CD8B2: variants seen among roughly 807,000 people sequenced by gnomAD.
CD8B2 encodes the protein CD8B family member 2, also known as T-cell surface glycoprotein CD8 beta-2 chain.
Under a neutral mutation model 23.7 loss-of-function variants are expected in CD8B2, and 11 were observed. The ratio of observed to expected loss-of-function variants is 0.46; its 90% CI spans 0.29 to 0.77. The LOEUF is 0.77. Among genes scored for constraint, CD8B2 ranks in the 30% least tolerant of loss-of-function variants. The pLI is 0.09. For synonymous variants in CD8B2, 90 were observed against 109.3 expected, an observed-to-expected ratio of 0.82 and a Z score of 1.10; for missense variants, 197 against 270.5, an observed-to-expected ratio of 0.73 and a Z score of 1.91.
chr2:106,504,696 A>T (rs1343374283), intron 5 of CD8B2, among the ~76,000 whole-genome samples: 11 of 152,330 alleles, frequency 7.2e-5, no homozygotes, highest in East Asian at 3.9e-4. Flanking sequence ...TTTCAACAAC[A>T]TTCTTAGCTC....
intron 5 of CD8B2, among the ~76,000 whole-genome samples, chr2:106,536,573 A>G (rs760295815): frequency 1.3e-5 from 2 of 152,216 alleles, no homozygotes; most frequent in Non-Finnish European, 2.9e-5. Flanking sequence ...TTACTGTGAC[A>G]TGACTTTGCT....
chr2:106,543,324 C>G (rs1227217238), intron 5 of CD8B2: 1 of 152,012 alleles, frequency 6.6e-6, no homozygotes, highest in Non-Finnish European at 1.5e-5. Flanking sequence ...CCCAGCAGTT[C>G]GAGACCAGCC....
chr2:106,511,140 G>A (rs1218149187), downstream of CD8B2: 4 of 152,246 alleles, frequency 2.6e-5, no homozygotes, highest in South Asian at 4.1e-4. Context: ...ATCCACAAAC[G>A]AAAGATTTAT....
At chr2:106,491,957 T>A (rs1033400364) in intron 2 of CD8B2, among the ~76,000 whole-genome samples, 2 of 152,064 alleles carry the variant, frequency 1.3e-5, no homozygotes, top group African/African-American at 4.8e-5. Flanking sequence ...TATAGTGGTG[T>A]TAGAAATCCC....
At chr2:106,489,483 A>G (rs1218929116) in intron 1 of CD8B2, among the ~76,000 whole-genome samples, 1 of 152,070 alleles carries the variant, frequency 6.6e-6, no homozygotes, top group Non-Finnish European at 1.5e-5. Flanking sequence ...TTGGGCACAC[A>G]CACATGCCCT....
chr2:106,527,770 G>A (rs1037231263), intron 5 of CD8B2, among the ~76,000 whole-genome samples: 2 of 151,738 alleles, frequency 1.3e-5, no homozygotes, highest in African/African-American at 2.4e-5. Context: ...GCCACAGAGC[G>A]AGACTTTGTC....
intron 5 of CD8B2, among the ~76,000 whole-genome samples, chr2:106,540,935 C>G (rs1244468357): frequency 6.6e-6 from 1 of 152,170 alleles, no homozygotes; most frequent in African/African-American, 2.4e-5. Context: ...GAAGGCATAT[C>G]AGGGGAGCTT....
At chr2:106,498,122 GATTTCTTGCATA>G (rs1246443494) in intron 3 of CD8B2, among the ~76,000 whole-genome samples, 1 of 151,786 alleles carries the variant, frequency 6.6e-6, no homozygotes, top group Non-Finnish European at 1.5e-5. Flanking sequence ...AAGGTCTTCA[GATTTCTTGCATA>G]ATTTCTTTTC....
chr2:106,543,734 T>C (rs907233333), intron 5 of CD8B2, among the ~76,000 whole-genome samples: 8 of 152,178 alleles, frequency 5.3e-5, no homozygotes, highest in African/African-American at 1.9e-4. Flanking sequence ...ATGATGTAAA[T>C]ATCAGGATCT....
chr2:106,495,623 C>A (rs1398595084), intron 2 of CD8B2, among the ~76,000 whole-genome samples: 1 of 152,168 alleles, frequency 6.6e-6, no homozygotes, highest in Non-Finnish European at 1.5e-5. Context: ...GAGCCTTCCT[C>A]TCTCCAGGAC....
intron 5 of CD8B2, among the ~76,000 whole-genome samples, chr2:106,539,295 C>T (rs1333200396): frequency 6.6e-6 from 1 of 152,188 alleles, no homozygotes. Context: ...ACAGGGCAAG[C>T]TCCTTATAAA....
At chr2:106,542,579 A>G (rs1373421506) in intron 5 of CD8B2, among the ~76,000 whole-genome samples, 2 of 150,586 alleles carry the variant, frequency 1.3e-5, no homozygotes, top group African/African-American at 4.9e-5. Flanking sequence ...TGGGTAGACC[A>G]GAAGGATGTA....
At chr2:106,495,892 A>G (rs979783427) in intron 2 of CD8B2, among the ~76,000 whole-genome samples, 2 of 152,118 alleles carry the variant, frequency 1.3e-5, no homozygotes, top group Non-Finnish European at 2.9e-5. Flanking sequence ...TTGACTTCCC[A>G]AGCTCAGGTG....
chr2:106,542,717 T>C (rs1206487662), intron 5 of CD8B2, among the ~76,000 whole-genome samples: 8 of 147,926 alleles, frequency 5.4e-5, no homozygotes, highest in Non-Finnish European at 8.9e-5. Flanking sequence ...GAAATATATA[T>C]GAAACATACT....
chr2:106,507,141 G>A lies in CD8B2; in HGVS notation c.*201G>A. ...GTTTGTGGGTCATCGGGAATACTAG[G>A]GAGAAGGTTTCATTGCCCCCAGGGC... On this transcript the variant is annotated 3_prime_UTR_variant, in exon 6 of 6. Transcript: ENST00000643224. The A allele has an allele frequency of 1.4e-6, 2 of 1,428,508 alleles. No homozygotes were observed. The highest frequency in any genetic ancestry group is 1.6e-5 in the South Asian group (1 of 62,446). 88.5% of individuals were successfully genotyped at this position (1,428,508 alleles called of 1,614,324 possible). A position where few individuals can be genotyped will look rare whatever the true frequency, so the allele number is the denominator to read the frequency against.
chr2:106,538,510 G>A (rs1013135408), intron 5 of CD8B2, among the ~76,000 whole-genome samples: 4 of 152,090 alleles, frequency 2.6e-5, no homozygotes, highest in African/African-American at 9.7e-5. Flanking sequence ...TAATAAGGGT[G>A]ACTGTGAATC....
At chr2:106,535,979 G>A (rs930374607) in intron 5 of CD8B2, among the ~76,000 whole-genome samples, 1 of 151,244 alleles carries the variant, frequency 6.6e-6, no homozygotes, top group African/African-American at 2.4e-5. Flanking sequence ...AGGCAGGTAT[G>A]TCTTACATGG....
At chr2:106,514,366 C>A (rs1679692465), downstream of CD8B2, among the ~76,000 whole-genome samples, 1 of 149,838 alleles carries the variant, frequency 6.7e-6, no homozygotes, top group African/African-American at 2.5e-5. Context: ...CAGCTCACTG[C>A]AACCTCTGCC....
chr2:106,518,887 C>T (rs115839811), intron 5 of CD8B2, among the ~76,000 whole-genome samples: 2,151 of 152,118 alleles, frequency 0.014, 50 homozygotes, highest in African/African-American at 0.048. Flanking sequence ...CTCCCTTCAG[C>T]CCTCCAACCA....
Sources: gnomAD v4.1 joint callset for allele counts (sites outside exome capture counted in the v4.1 genomes callset) on GRCh38, gnomAD v4.1.1 for gene constraint, MANE v1.5 for transcripts, NCBI Gene and HGNC (gene_info 2026-07-23, HGNC 2026-07-21) for gene names.